The following APOL4 variants were observed in gnomAD, a reference collection of about 807,000 sequenced individuals.
APOL4 encodes apolipoprotein L, 4.
Under a neutral mutation model 12.1 loss-of-function variants are expected in APOL4, and 14 were observed. The ratio of observed to expected loss-of-function variants is 1.16; its 90% CI spans 0.76 to 1.81. The LOEUF is 1.81. Ranked by LOEUF, APOL4 falls within the 40% of genes most tolerant of loss-of-function variation. The pLI, the probability that APOL4 is intolerant of heterozygous loss-of-function variation, is 0.00. For synonymous variants in APOL4, 171 were observed against 160.6 expected, an observed-to-expected ratio of 1.06 and a Z score of -0.49; for missense variants, 432 against 423.1, an observed-to-expected ratio of 1.02 and a Z score of -0.18.
At chr22:36,197,233 G>T (rs115312094) in intron 2 of APOL4, among the ~76,000 whole-genome samples, 1 of 152,118 alleles carries the variant, frequency 6.6e-6, no homozygotes, top group East Asian at 1.9e-4. Flanking sequence ...CCTCATCTTG[G>T]ACAGGACTCA....
chr22:36,200,870 C>T lies in APOL4; in HGVS notation c.35+830G>A, dbSNP rs556272596. On this transcript the variant is annotated intron_variant, in intron 1 of 3. Transcript: ENST00000683024. ...ATTTGAGAACTAAATATCTTGTTATCAATACCAATTAGTACAAACTTTAAG... is the reference window on the plus strand; with the variant it reads ...ATTTGAGAACTAAATATCTTGTTATTAATACCAATTAGTACAAACTTTAAG... Among the ~76,000 whole-genome samples the T allele has an allele frequency of 6.3e-4, 96 of 152,224 alleles. 2 individuals are homozygous for T. In the South Asian group the frequency reaches 0.019, roughly 31 times the overall value.
intron 2 of APOL4, 33 bp from the exon 3 acceptor site, chr22:36,195,470 A>G (rs1426262233): frequency 6.2e-7 from 1 of 1,606,444 alleles, no homozygotes; most frequent in African/African-American, 1.3e-5. Context: ...AGATTGGAAG[A>G]AAGTTTGCTA....
chr22:36,195,770 T>TCACACACA (rs1294624840), intron 2 of APOL4, among the ~76,000 whole-genome samples: 1 of 90,150 alleles, frequency 1.1e-5, no homozygotes, highest in Non-Finnish European at 2.2e-5. Context: ...TCTCTCTCTC[T>TCACACACA]CTCTCTCACA....
rs555258849 is a variant in APOL4 at position 36,201,702 on chromosome 22, G to T, written c.33C>A (p.Val11=). 6.2e-7 allele frequency: 1 copy of T among 1,607,084 alleles called. No individual in the cohort carries two copies. The highest frequency in any genetic ancestry group is 1.7e-5 in the Admixed American group (1 of 59,174). ...GAGAGCTGGGGCCTCGGACTCACCC[G>T]ACGCTTGTGATGAGCTGCACCCAGG... is the stretch of plus-strand genomic sequence containing the variant. MGSWVQLITS[V]GVQQNHPGWT... Residue 11 remains valine (V), a splice_region_variant and synonymous_variant, in exon 1 of 4, where the codon GTC becomes GTA. Coordinates refer to ENST00000683024, the MANE Select transcript of APOL4 (RefSeq NM_001386885.1).
At chr22:36,201,927 C>T (rs1603478690), upstream of APOL4, 1 of 1,612,772 alleles carries the variant, frequency 6.2e-7, no homozygotes, top group African/African-American at 1.3e-5. Flanking sequence ...AGCCCAAGCC[C>T]TGCCCAATTG....
rs1439918478 is a variant in APOL4 at position 36,189,289 on chromosome 22, A to T, written c.*1786T>A. ...AGACTTTTACTTGGTTGGTTCTCAG[A>T]TACTCTCCAGGATGTTTGGATTCTC... On this transcript the variant is annotated 3_prime_UTR_variant, in exon 4 of 4. Transcript: ENST00000683024. The T allele has an allele frequency of 1.3e-5, 2 of 152,154 alleles. No individual in the cohort carries two copies. Among genetic ancestry groups the T allele is most frequent in the African/African-American group, 2.4e-5 (1 of 41,402 alleles). 9.4% of individuals were successfully genotyped at this position (152,154 alleles called of 1,614,324 possible).
chr22:36,202,493 C>T (rs978641235), upstream of APOL4, among the ~76,000 whole-genome samples: 18 of 152,076 alleles, frequency 1.2e-4, no homozygotes, highest in East Asian at 1.7e-3. Flanking sequence ...TTTGGGAGGC[C>T]GAGGCAGGCA....
rs2014497525 is a variant in APOL4, at chr22:36,199,199, G to A, written c.82+131C>T. 9 of 1,301,992 alleles carry A rather than the reference G, an allele frequency of 6.9e-6. 1 individual carries two copies. The East Asian group carries it at 2.1e-4, about 30-fold the overall frequency. 80.7% of individuals were successfully genotyped at this position (1,301,992 alleles called of 1,614,324 possible). A position where few individuals can be genotyped will look rare whatever the true frequency, so the allele number is the denominator to read the frequency against. On this transcript the variant is annotated intron_variant, in intron 2 of 3. Coordinates refer to ENST00000683024, the MANE Select transcript of APOL4 (RefSeq NM_001386885.1). ...CTTGGGGCTTGGGGCAGCCTCATCA[G>A]CCACCTCCGTCTGGGTTCCGTTGGG... is the stretch of plus-strand genomic sequence containing the variant.
chr22:36,193,377 T>C (rs191989274), intron 3 of APOL4, among the ~76,000 whole-genome samples: 9 of 152,286 alleles, frequency 5.9e-5, no homozygotes, highest in Non-Finnish European at 1.2e-4. Flanking sequence ...CTTAACTGGG[T>C]GAGCTTCCCT....
rs375119538 is a variant in APOL4, at chr22:36,191,347, T to A, written c.775A>T (p.Ile259Phe). The A allele has an allele frequency of 9.9e-6, 16 of 1,613,928 alleles. No individual in the cohort carries two copies. The African/African-American group carries it at 2.0e-4, about 20-fold the overall frequency. The change falls in exon 4 of 4, where the codon ATT becomes TTT. Residue 259 changes from isoleucine to phenylalanine, a missense_variant. Transcript: ENST00000683024. Reference sequence around the variant, plus strand: ...TTTATAGGTACATATCGCCAAGCAATCAAAGGGCGTCCAACAGTGGCTTTA... The same window carrying A: ...TTTATAGGTACATATCGCCAAGCAAACAAAGGGCGTCCAACAGTGGCTTTA... ...RSKATVGRPL[I>F]AWRYVPINVV...
chr22:36,191,826 T>C lies in APOL4; in HGVS notation c.296A>G (p.Gln99Arg). ...IEDKDMQQKEQQFREWFLKEF... is the reference protein window; with the variant it reads ...IEDKDMQQKERQFREWFLKEF... ...TTTCAAAAACCACTCCCTAAACTGC[T>C]GTTCTTTTTGCTGCATGTCTTTGTC... Residue 99 changes from glutamine (Q) to arginine (R), a missense_variant, in exon 4 of 4, where the codon CAG becomes CGG. Physicochemically the swap from Gln to Arg is conservative, Grantham distance 43 (BLOSUM62 1). Transcript: ENST00000683024. 6.2e-7 allele frequency: 1 copy of C among 1,613,970 alleles called. No homozygotes were observed. The highest frequency in any genetic ancestry group is 8.5e-7 in the Non-Finnish European group (1 of 1,179,970).
Position 36,191,417 on chromosome 22 carries a change from T to C in APOL4, c.705A>G (p.Glu235=). 6.2e-7 allele frequency: 1 copy of C among 1,614,080 alleles called. No homozygotes were observed. The highest frequency in any genetic ancestry group is 1.3e-5 in the African/African-American group (1 of 75,070). Residue 235 remains glutamate (E), a synonymous_variant, in exon 4 of 4, where the codon GAA becomes GAG. Coordinates refer to ENST00000683024, the MANE Select transcript of APOL4 (RefSeq NM_001386885.1). ...NVLSFALDFD[E]ATKMIANDVH... ...CATCATTCGCAATCATTTTTGTGGC[T>C]TCGTCAAAATCAAGTGCAAAAGAAA...
upstream of APOL4, chr22:36,201,923 A>C: frequency 6.2e-7 from 1 of 1,612,246 alleles, no homozygotes; most frequent in East Asian, 2.2e-5. Flanking sequence ...GCCCAGCCCA[A>C]GCCCTGCCCA....
chr22:36,195,732 A>G (rs79708868), intron 2 of APOL4, among the ~76,000 whole-genome samples: 2,567 of 149,788 alleles, frequency 0.017, 87 homozygotes, highest in African/African-American at 0.06. Flanking sequence ...AAGAAAAAAA[A>G]GAGACAGATG....
chr22:36,202,900 A>G (rs545027772), upstream of APOL4, among the ~76,000 whole-genome samples: 81 of 152,298 alleles, frequency 5.3e-4, no homozygotes, highest in Non-Finnish European at 7.9e-4. Context: ...CTTGGAGAGC[A>G]GACGGGAAGC....
intron 3 of APOL4, among the ~76,000 whole-genome samples, chr22:36,193,191 C>T (rs574090298): frequency 2.0e-5 from 3 of 152,168 alleles, no homozygotes; most frequent in African/African-American, 7.2e-5. Context: ...CAGGAACCCC[C>T]CACTCTGGTG....
In APOL4 at chr22:36,191,073, G is replaced by A. The variant is rs770987838; in HGVS notation, c.*2C>T. 1.1e-5 allele frequency: 18 copies of A among 1,590,184 alleles called. No individual in the cohort carries two copies. Among genetic ancestry groups the A allele is most frequent in the Non-Finnish European group, 1.5e-5 (17 of 1,167,414 alleles). On this transcript the variant is annotated 3_prime_UTR_variant, in exon 4 of 4. Transcript: ENST00000683024. ...GTCCCTGACTTCCCGCAACAATTGG[G>A]CCTAGCCTGCTTTTAGACTCTGATG...
chr22:36,198,199 C>G (rs1469868630), intron 2 of APOL4, among the ~76,000 whole-genome samples: 1 of 152,186 alleles, frequency 6.6e-6, no homozygotes. Context: ...TTTCTCTCTT[C>G]GTTGTCAGAA....
At chr22:36,197,976 A>C in intron 2 of APOL4, 1 of 1,294,204 alleles carries the variant, frequency 7.7e-7, no homozygotes. Flanking sequence ...CTTGCAACAA[A>C]ACTGCGTGGC....
Sources: allele counts gnomAD v4.1 joint callset (sites outside exome capture counted in the v4.1 genomes callset), GRCh38; gene constraint gnomAD v4.1.1; transcripts MANE v1.5; gene names NCBI Gene and HGNC (gene_info 2026-07-23, HGNC 2026-07-21).